The following CS variants were observed in gnomAD, a reference collection of about 807,000 sequenced individuals.
The protein encoded by CS is citrate synthase, also known as citrate synthase, mitochondrial.
Under a neutral mutation model 61.4 loss-of-function variants are expected in CS, and 13 were observed. The observed-to-expected ratio is 0.21, with a 90% CI of 0.14 to 0.34. The LOEUF is 0.34. Ranked by LOEUF, CS falls within the 10% of genes least tolerant of loss-of-function variation. The pLI, the probability that CS is intolerant of heterozygous loss-of-function variation, is 1.00. For synonymous variants in CS, 159 were observed against 215.2 expected, an observed-to-expected ratio of 0.74 and a Z score of 2.29; for missense variants, 278 against 573.4, an observed-to-expected ratio of 0.48 and a Z score of 5.26.
At chr12:56,288,571 G>A (rs541762016) in intron 1 of CS, among the ~76,000 whole-genome samples, 2 of 151,808 alleles carry the variant, frequency 1.3e-5, no homozygotes, top group East Asian at 3.9e-4. Flanking sequence ...CCTGACATCT[G>A]GTGATACGCC....
intron 4 of CS, 107 bp from the exon 5 acceptor site, chr12:56,283,098 TTAA>T: frequency 1.6e-6 from 2 of 1,251,648 alleles, no homozygotes; most frequent in Non-Finnish European, 2.3e-6. Context: ...ACTTTTTATG[TTAA>T]TTATTATTTC....
chr12:56,291,209 C>A, intron 1 of CS: 2 of 1,181,962 alleles, frequency 1.7e-6, no homozygotes, highest in Non-Finnish European at 1.1e-6. Context: ...ATGTGTTGGC[C>A]TATCACCTAC....
intron 1 of CS, among the ~76,000 whole-genome samples, chr12:56,299,448 G>A (rs1873409266): frequency 6.6e-6 from 1 of 152,162 alleles, no homozygotes; most frequent in Non-Finnish European, 1.5e-5. Context: ...AGTATCTCTT[G>A]CCGAGGATCT....
At chr12:56,280,755 GATT>G (rs1391835785) in intron 6 of CS, among the ~76,000 whole-genome samples, 1 of 151,980 alleles carries the variant, frequency 6.6e-6, no homozygotes, top group African/African-American at 2.4e-5. Flanking sequence ...AAAATATTAA[GATT>G]ATATGACCTT....
At chr12:56,280,690 G>T (rs990235172) in intron 6 of CS, among the ~76,000 whole-genome samples, 1 of 151,886 alleles carries the variant, frequency 6.6e-6, no homozygotes, top group African/African-American at 2.4e-5. Context: ...TCCAGCCTGG[G>T]TGACACAGCG....
intron 6 of CS, among the ~76,000 whole-genome samples, chr12:56,281,844 CCT>C (rs1206912224): frequency 1.3e-5 from 2 of 152,084 alleles, no homozygotes; most frequent in African/African-American, 4.8e-5. Flanking sequence ...TGTGTACATA[CCT>C]CTGTTACAGC....
chr12:56,293,340 C>A (rs1391324082), intron 1 of CS, among the ~76,000 whole-genome samples: 1 of 152,206 alleles, frequency 6.6e-6, no homozygotes, highest in Non-Finnish European at 1.5e-5. Flanking sequence ...TTGGGGGAGG[C>A]TGGGCGCAGT....
At chr12:56,298,363 T>A (rs1873373393) in intron 1 of CS, among the ~76,000 whole-genome samples, 1 of 152,088 alleles carries the variant, frequency 6.6e-6, no homozygotes, top group Non-Finnish European at 1.5e-5. Flanking sequence ...CGTCAGGCCA[T>A]CTCTAACAGG....
At chr12:56,280,592 A>G (rs1872752980) in intron 6 of CS, among the ~76,000 whole-genome samples, 1 of 151,926 alleles carries the variant, frequency 6.6e-6, no homozygotes, top group Non-Finnish European at 1.5e-5. Flanking sequence ...ATGCCACTGC[A>G]TCCTGGCCTG....
chr12:56,297,689 G>A (rs1159701857), intron 1 of CS, among the ~76,000 whole-genome samples: 3 of 152,038 alleles, frequency 2.0e-5, no homozygotes, highest in Non-Finnish European at 4.4e-5. Context: ...GAGTGACAGA[G>A]TAAGACTCTG....
intron 1 of CS, among the ~76,000 whole-genome samples, chr12:56,295,305 G>C (rs944458959): frequency 6.6e-6 from 1 of 151,360 alleles, no homozygotes; most frequent in African/African-American, 2.4e-5. Flanking sequence ...GGTGGATCAC[G>C]AGGTCAGGAG....
intron 1 of CS, among the ~76,000 whole-genome samples, chr12:56,292,964 A>G (rs1454843165): frequency 6.6e-6 from 1 of 151,824 alleles, no homozygotes; most frequent in Non-Finnish European, 1.5e-5. Context: ...TTCAAGTGCT[A>G]TTTCTTTACA....
intron 9 of CS, chr12:56,274,303 A>G (rs1300372505): frequency 1.3e-5 from 2 of 155,622 alleles, no homozygotes; most frequent in Non-Finnish European, 2.8e-5. Flanking sequence ...CCTGGGCAAC[A>G]AGAGCAAGAC....
intron 3 of CS, among the ~76,000 whole-genome samples, chr12:56,284,342 A>G (rs1361092006): frequency 6.6e-6 from 1 of 150,598 alleles, no homozygotes; most frequent in Admixed American, 6.6e-5. Flanking sequence ...AAAAAAGAAA[A>G]AAAAAAACAA....
chr12:56,274,045 G>A (rs1592404750), intron 9 of CS: 15 of 490,082 alleles, frequency 3.1e-5, no homozygotes, highest in Middle Eastern at 5.8e-4. Flanking sequence ...CGTGTGCGGT[G>A]GCTCATGCCT....
chr12:56,286,073 T>C, intron 2 of CS, 50 bp from the exon 3 acceptor site: 3 of 1,504,302 alleles, frequency 2.0e-6, no homozygotes, highest in Non-Finnish European at 2.8e-6. Flanking sequence ...GTTTATTAGA[T>C]TTCCTGCAAA....
At chr12:56,280,299 TAAC>T (rs1010349065) in intron 6 of CS, among the ~76,000 whole-genome samples, 1 of 145,988 alleles carries the variant, frequency 6.8e-6, no homozygotes, top group Admixed American at 6.8e-5. Context: ...CCTGTAATCC[TAAC>T]TACTCGGGAG....
chr12:56,294,958 G>T (rs1448560843), intron 1 of CS, among the ~76,000 whole-genome samples: 2 of 151,874 alleles, frequency 1.3e-5, no homozygotes, highest in East Asian at 3.9e-4. Flanking sequence ...TAGAGACAGG[G>T]TTTCACCATG....
intron 3 of CS, among the ~76,000 whole-genome samples, chr12:56,285,630 C>T (rs142631402): frequency 6.6e-6 from 1 of 152,010 alleles, no homozygotes. Context: ...TTTCTCCTGC[C>T]CACTCAACCA....
Sources: gnomAD v4.1 joint callset for allele counts (sites outside exome capture counted in the v4.1 genomes callset) on GRCh38, gnomAD v4.1.1 for gene constraint, MANE v1.5 for transcripts, NCBI Gene and HGNC (gene_info 2026-07-23, HGNC 2026-07-21) for gene names.